The following PRR14L variants were observed in gnomAD, a reference collection of about 807,000 sequenced individuals.
The protein encoded by PRR14L is proline rich 14 like, also known as protein PRR14L.
In PRR14L, 80 loss-of-function variants were observed where a neutral mutation model predicts 155.0. That is an observed-to-expected ratio of 0.52 (90% CI 0.43 to 0.62). The LOEUF (loss-of-function observed/expected upper bound fraction) is 0.62. Ranked by LOEUF, PRR14L falls within the 20% of genes least tolerant of loss-of-function variation. PRR14L has a pLI of 0.00. For synonymous variants in PRR14L, 883 were observed against 916.0 expected (o/e 0.96, Z 0.65); for missense variants, 2,469 against 2,548.0 (o/e 0.97, Z 0.67).
chr22:31,704,508 A>G (rs1410520920), intron 5 of PRR14L, 147 bp downstream of exon 5: 1 of 475,886 alleles, frequency 2.1e-6, no homozygotes, highest in Non-Finnish European at 3.8e-6. Context: ...AATCTCAGAA[A>G]TGTTTATCTG....
chr22:31,729,005 C>A (rs546524780), intron 2 of PRR14L, among the ~76,000 whole-genome samples: 2 of 152,146 alleles, frequency 1.3e-5, no homozygotes, highest in East Asian at 1.9e-4. Context: ...TAAATAAGAC[C>A]AATCTATTCC....
intron 1 of PRR14L, among the ~76,000 whole-genome samples, chr22:31,748,431 C>G (rs1463987047): frequency 1.1e-5 from 1 of 91,166 alleles, no homozygotes; most frequent in Non-Finnish European, 2.1e-5. Context: ...GGATCCCTGT[C>G]TCCACGTAAG....
intron 4 of PRR14L, among the ~76,000 whole-genome samples, chr22:31,707,645 A>G (rs569009658): frequency 1.1e-4 from 16 of 152,176 alleles, no homozygotes; most frequent in South Asian, 6.2e-4. Flanking sequence ...TCAGCCTCCT[A>G]AAGTGCTGGG....
chr22:31,711,789 A>G (rs1360051105), intron 4 of PRR14L, among the ~76,000 whole-genome samples: 1 of 151,072 alleles, frequency 6.6e-6, no homozygotes, highest in Non-Finnish European at 1.5e-5. Context: ...AAAAAAAAAA[A>G]AAAAAAAAAA....
chr22:31,711,708 C>T (rs1298151078), intron 4 of PRR14L, among the ~76,000 whole-genome samples: 2 of 137,638 alleles, frequency 1.5e-5, no homozygotes, highest in Non-Finnish European at 3.0e-5. Flanking sequence ...CGCTTGAACC[C>T]GGGAGGCGGA....
intron 8 of PRR14L, among the ~76,000 whole-genome samples, chr22:31,686,301 G>T (rs2074482483): frequency 1.3e-5 from 2 of 150,662 alleles, no homozygotes; most frequent in African/African-American, 2.4e-5. Flanking sequence ...GTAGAGACAG[G>T]GTTTCACTCT....
At chr22:31,703,291 T>C (rs2074572406) in intron 6 of PRR14L, among the ~76,000 whole-genome samples, 1 of 152,206 alleles carries the variant, frequency 6.6e-6, no homozygotes, top group Non-Finnish European at 1.5e-5. Flanking sequence ...AGCAGCTCTT[T>C]CGTCCAATTC....
rs779858636 is a variant in PRR14L, at chr22:31,715,085, C to T, written c.2754G>A (p.Lys918=). The T allele has an allele frequency of 5.8e-6, 9 of 1,551,778 alleles. No homozygotes were observed. In the South Asian group the frequency reaches 9.5e-5, roughly 16 times the overall value. ...QDVSKETVFC[K]YNISDHAIQE... Reference sequence around the variant, plus strand: ...GTATAGCATGATCAGAGATGTTATACTTACAAAATACAGTTTCTTTGGATA... The same window carrying T: ...GTATAGCATGATCAGAGATGTTATATTTACAAAATACAGTTTCTTTGGATA... The change falls in exon 4 of 9, where the codon AAG becomes AAA. Residue 918 remains lysine, a synonymous_variant. Transcript: ENST00000327423.
rs1238170959 is a variant in PRR14L at position 31,715,941 on chromosome 22, T to C, written c.1898A>G (p.Asn633Ser). 4 of 1,551,852 alleles carry C rather than the reference T, an allele frequency of 2.6e-6. No homozygotes were observed. The highest frequency in any genetic ancestry group is 3.5e-6 in the Non-Finnish European group (4 of 1,147,012). The change falls in exon 4 of 9, where the codon AAT (asparagine) becomes AGT (serine). Residue 633 changes from asparagine (N) to serine (S), a missense_variant. Asn to Ser is a conservative substitution (Grantham distance 46). Transcript: ENST00000327423. ...CAGTTCATTGGTACAAGAAAGTTCA[T>C]TCATCTCACAGGCTATGCTCTGTTC... The part of the protein sequence containing the change: ...LDEQSIACEM[N>S]ELSCTNELVV...
chr22:31,701,142 C>A (rs1259116170), intron 7 of PRR14L, among the ~76,000 whole-genome samples: 1 of 152,014 alleles, frequency 6.6e-6, no homozygotes, highest in Non-Finnish European at 1.5e-5. Context: ...GCATGCGCCA[C>A]CAAGCCCGGC....
chr22:31,690,908 G>C (rs2074507800), intron 7 of PRR14L, among the ~76,000 whole-genome samples: 1 of 151,670 alleles, frequency 6.6e-6, no homozygotes, highest in Non-Finnish European at 1.5e-5. Flanking sequence ...CCAAAGTGCT[G>C]GGATTACAGC....
At position 31,714,957 on chromosome 22, in the gene PRR14L, G is replaced by A. The variant is rs140079; in HGVS notation, c.2882C>T (p.Thr961Ile). 111,973 of 1,551,762 alleles carry A rather than the reference G, an allele frequency of 0.072. 5,029 individuals carry two copies. The highest frequency in any genetic ancestry group is 0.18 in the African/African-American group (13,393 of 73,084). ...SSFKNVKSVETLDQKADEVLD... is the reference protein window; with the variant it reads ...SSFKNVKSVEILDQKADEVLD... ...GACTTCATCTGCCTTCTGATCGAGTGTTTCAACTGATTTTACATTTTTAAA... is the reference window on the plus strand; with the variant it reads ...GACTTCATCTGCCTTCTGATCGAGTATTTCAACTGATTTTACATTTTTAAA... Residue 961 changes from threonine (T) to isoleucine (I), a missense_variant, in exon 4 of 9, where the codon ACA becomes ATA. This residue lies in a region of PRR14L where 2,363 missense variants were observed against 2,371.6 expected (regional missense o/e 1.00). Coordinates refer to ENST00000327423, the MANE Select transcript of PRR14L (RefSeq NM_173566.3).
At chr22:31,736,218 CA>C (rs1212304644) in intron 2 of PRR14L, among the ~76,000 whole-genome samples, 257 of 84,872 alleles carry the variant, frequency 3.0e-3, no homozygotes, top group Middle Eastern at 0.016. Context: ...GACTCCATCT[CA>C]AAAAAAAAAA....
At position 31,715,619 on chromosome 22, in the gene PRR14L, T is replaced by C. The variant is rs1426455971; in HGVS notation, c.2220A>G (p.Leu740=). The change falls in exon 4 of 9, where the codon CTA becomes CTG. Residue 740 remains leucine, a synonymous_variant. Transcript: ENST00000327423. ...CPTLNIKPVS[L]ERKKEMADSG... is the part of the protein sequence containing the mutation. ...AATCAGCCATTTCCTTTTTTCTCTC[T>C]AGGCTTACTGGTTTGATGTTTAAGG... is the stretch of plus-strand genomic sequence containing the variant. 1 of 1,552,086 alleles carries C rather than the reference T, an allele frequency of 6.4e-7. No individual in the cohort carries two copies. Among genetic ancestry groups the C allele is most frequent in the Non-Finnish European group, 8.7e-7 (1 of 1,147,048 alleles).
intron 2 of PRR14L, among the ~76,000 whole-genome samples, chr22:31,725,834 A>G (rs2074713829): frequency 6.6e-6 from 1 of 151,952 alleles, no homozygotes; most frequent in African/African-American, 2.4e-5. Flanking sequence ...ACGCCTGGCT[A>G]ATTTTTGTAT....
intron 2 of PRR14L, among the ~76,000 whole-genome samples, chr22:31,734,161 T>C (rs925198581): frequency 2.6e-5 from 4 of 152,006 alleles, no homozygotes; most frequent in Admixed American, 6.6e-5. Context: ...TTAGTAAAGA[T>C]GGGGTTTCAC....
In PRR14L at chr22:31,712,716, G is replaced by A. The variant is rs2074630536; in HGVS notation, c.5123C>T (p.Pro1708Leu). Residue 1708 changes from proline (P) to leucine (L), a missense_variant, in exon 4 of 9, where the codon CCG becomes CTG. Physicochemically the swap from Pro to Leu is moderately conservative, Grantham distance 98. Transcript: ENST00000327423. ...MTFIDLSNKMPSLLFGSEIFP... is the reference protein window; with the variant it reads ...MTFIDLSNKMLSLLFGSEIFP... ...GATTTCAGAACCAAACAGCAGGGAC[G>A]GCATCTTGTTGCTCAAATCTATGAA... 4.5e-6 allele frequency: 7 copies of A among 1,551,710 alleles called. No individual in the cohort carries two copies. Among genetic ancestry groups the A allele is most frequent in the Non-Finnish European group, 6.1e-6 (7 of 1,147,006 alleles).
chr22:31,698,853 C>T (rs1321842696), intron 7 of PRR14L, among the ~76,000 whole-genome samples: 1 of 149,074 alleles, frequency 6.7e-6, no homozygotes, highest in Non-Finnish European at 1.5e-5. Flanking sequence ...ACCTGGGAGG[C>T]GGAGCTTGCA....
chr22:31,737,617 G>A (rs1246698073), intron 2 of PRR14L, among the ~76,000 whole-genome samples: 2 of 150,716 alleles, frequency 1.3e-5, no homozygotes, highest in Non-Finnish European at 3.0e-5. Flanking sequence ...CTAAGACCCT[G>A]CCTCTATTAA....
Sources: allele counts gnomAD v4.1 joint callset (sites outside exome capture counted in the v4.1 genomes callset), GRCh38; gene constraint gnomAD v4.1.1; regional missense constraint gnomAD v4.1.1; transcripts MANE v1.5; gene names NCBI Gene and HGNC (gene_info 2026-07-23, HGNC 2026-07-21).